CTNNA2: variants seen among roughly 807,000 people sequenced by gnomAD.
The protein encoded by CTNNA2 is catenin alpha-2.
In CTNNA2, 42 loss-of-function variants were observed where a neutral mutation model predicts 101.0. The observed-to-expected ratio is 0.42, with a 90% CI of 0.32 to 0.54. The LOEUF (loss-of-function observed/expected upper bound fraction) is 0.54, where lower values mean the gene tolerates loss of function less well. Among genes scored for constraint, CTNNA2 ranks in the 20% least tolerant of loss-of-function variants. The probability of loss-of-function intolerance (pLI) is 0.14; values close to 1 mark genes in which losing one functional copy is unlikely to be tolerated. For missense variants in CTNNA2, 871 were observed against 1,223.1 expected (o/e 0.71, Z 4.29); for synonymous variants, 450 against 456.4 (o/e 0.99, Z 0.18).
chr2:80,313,224 C>G (rs1677769663), intron 7 of CTNNA2, among the ~76,000 whole-genome samples: 1 of 152,168 alleles, frequency 6.6e-6, no homozygotes, highest in African/African-American at 2.4e-5. Flanking sequence ...ACTAACCTGC[C>G]TAGTTAGATG....
intron 2 of CTNNA2, among the ~76,000 whole-genome samples, chr2:79,740,980 A>T (rs1430951719): frequency 6.6e-6 from 1 of 152,166 alleles, no homozygotes; most frequent in African/African-American, 2.4e-5. Context: ...CTGTAACATG[A>T]TGGGAAAAAA....
At chr2:79,701,346 C>G (rs1020821198) in intron 2 of CTNNA2, among the ~76,000 whole-genome samples, 31 of 152,128 alleles carry the variant, frequency 2.0e-4, no homozygotes, top group African/African-American at 7.5e-4. Context: ...CAGCTGTGAT[C>G]ATGCAGCTAA....
At chr2:79,322,256 A>G (rs753528396) in intron 3 of CTNNA2, among the ~76,000 whole-genome samples, 1 of 152,186 alleles carries the variant, frequency 6.6e-6, no homozygotes, top group Non-Finnish European at 1.5e-5. Context: ...CAGTAAATGA[A>G]TAGTCTCTTA....
At position 79,494,200 on chromosome 2, in the gene CTNNA2, C is replaced by T. The variant is rs550132523; in HGVS notation, c.-134-10854C>T. On this transcript the variant is annotated intron_variant, in intron 4 of 21. Coordinates refer to the CTNNA2 transcript ENST00000466387. ...GACATAAACAAATGTTAAGATATCT[C>T]ATGTTCATGGAACAGATAACATCCC... Among the ~76,000 whole-genome samples the T allele has an allele frequency of 5.9e-5, 9 of 151,780 alleles. No individual in the cohort carries two copies. In the South Asian group the frequency reaches 1.0e-3, roughly 18 times the overall value.
At chr2:79,959,745 C>T (rs1204018016) in intron 7 of CTNNA2, among the ~76,000 whole-genome samples, 8 of 152,196 alleles carry the variant, frequency 5.3e-5, no homozygotes, top group Admixed American at 5.2e-4. Context: ...GAGATTTGCT[C>T]TTTTCATTGG....
chr2:79,578,113 C>A (rs1675910425), intron 1 of CTNNA2, among the ~76,000 whole-genome samples: 1 of 152,066 alleles, frequency 6.6e-6, no homozygotes, highest in African/African-American at 2.4e-5. Context: ...TGAACGAAAG[C>A]TATTATAACA....
At chr2:80,045,271 T>G (rs1254686954) in intron 7 of CTNNA2, among the ~76,000 whole-genome samples, 3 of 152,220 alleles carry the variant, frequency 2.0e-5, no homozygotes, top group African/African-American at 7.2e-5. Flanking sequence ...ACACCTCATC[T>G]ATCACTAGGA....
Position 79,629,757 on chromosome 2 carries a change from T to C in CTNNA2, c.-5-21795T>C, listed in dbSNP as rs529599251. ...GCTGAAGGGAAGCTCAGTGAGCAGC[T>C]GTCTGTATGGGTATATTAATGACTT... On this transcript the variant is annotated intron_variant, in intron 1 of 18. Coordinates refer to ENST00000402739, the MANE Select transcript of CTNNA2 (RefSeq NM_001282597.3). Among the ~76,000 whole-genome samples the C allele has an allele frequency of 2.0e-5, 3 of 152,320 alleles. No homozygotes were observed. In the East Asian group the frequency reaches 5.8e-4, roughly 29 times the overall value.
intron 4 of CTNNA2, among the ~76,000 whole-genome samples, chr2:79,469,101 G>T (rs439773): frequency 0.68 from 103,178 of 150,774 alleles, 35,946 homozygotes; most frequent in African/African-American, 0.83. Context: ...CTGGTTTGTT[G>T]AAAAGATCAA....
chr2:80,011,756 A>T (rs1013676530), intron 7 of CTNNA2, among the ~76,000 whole-genome samples: 1 of 152,170 alleles, frequency 6.6e-6, no homozygotes, highest in Non-Finnish European at 1.5e-5. Flanking sequence ...TTTCCCATAT[A>T]TGCTTTCAAC....
chr2:80,087,876 T>TC (rs1558795538), intron 7 of CTNNA2, among the ~76,000 whole-genome samples: 37 of 151,552 alleles, frequency 2.4e-4, no homozygotes, highest in Admixed American at 6.6e-4. Context: ...CTCTCTCTCT[T>TC]TTTCTCTCCC....
chr2:80,334,727 G>A (rs1302161966), intron 7 of CTNNA2, among the ~76,000 whole-genome samples: 1 of 152,198 alleles, frequency 6.6e-6, no homozygotes, highest in Non-Finnish European at 1.5e-5. Context: ...CACAATCAGA[G>A]CACCTTCACT....
At chr2:80,195,308 C>G (rs1706760039) in intron 7 of CTNNA2, among the ~76,000 whole-genome samples, 1 of 152,032 alleles carries the variant, frequency 6.6e-6, no homozygotes, top group African/African-American at 2.4e-5. Flanking sequence ...CAGAACATTT[C>G]TGGAGAAATA....
chr2:79,541,065 A>G (rs1283762548), intron 1 of CTNNA2, among the ~76,000 whole-genome samples: 1 of 152,118 alleles, frequency 6.6e-6, no homozygotes, highest in Non-Finnish European at 1.5e-5. Context: ...CATGTCCTGA[A>G]AAAACATTTC....
intron 4 of CTNNA2, among the ~76,000 whole-genome samples, chr2:79,502,746 T>G (rs1169015639): frequency 6.6e-6 from 1 of 152,190 alleles, no homozygotes; most frequent in Non-Finnish European, 1.5e-5. Context: ...AAACACCAAC[T>G]TTGAAACAGG....
chr2:80,229,137 T>C (rs2149070084), intron 7 of CTNNA2, among the ~76,000 whole-genome samples: 1 of 152,308 alleles, frequency 6.6e-6, no homozygotes, highest in Non-Finnish European at 1.5e-5. Flanking sequence ...ATGAAACTCT[T>C]TTTTCCTGTC....
At chr2:80,231,699 A>C (rs112685305) in intron 7 of CTNNA2, among the ~76,000 whole-genome samples, 2,170 of 152,254 alleles carry the variant, frequency 0.014, 54 homozygotes, top group African/African-American at 0.049. Context: ...CCAAATTCCA[A>C]CCTGACACTG....
chr2:80,439,453 C>G (rs1339531583), intron 9 of CTNNA2, among the ~76,000 whole-genome samples: 9 of 152,128 alleles, frequency 5.9e-5, no homozygotes, highest in African/African-American at 2.2e-4. Flanking sequence ...GGCTGGAGTG[C>G]AGTGGCGTGA....
At chr2:80,184,001 G>A (rs769847499) in intron 7 of CTNNA2, among the ~76,000 whole-genome samples, 2 of 151,858 alleles carry the variant, frequency 1.3e-5, no homozygotes, top group Non-Finnish European at 2.9e-5. Flanking sequence ...ACAACTAAAA[G>A]TCATTCTGAA....
Sources: gnomAD v4.1 joint callset for allele counts (sites outside exome capture counted in the v4.1 genomes callset) on GRCh38, gnomAD v4.1.1 for gene constraint, MANE v1.5 for transcripts, NCBI Gene and HGNC (gene_info 2026-07-23, HGNC 2026-07-21) for gene names.